Variants in CPED1 observed in about 807,000 individuals in gnomAD.
CPED1 encodes cadherin like and PC-esterase domain containing 1.
Under a neutral mutation model 128.2 loss-of-function variants are expected in CPED1, and 114 were observed. The observed-to-expected ratio is 0.89, with a 90% confidence interval of 0.76 to 1.04. The LOEUF (loss-of-function observed/expected upper bound fraction) is 1.04, where lower values mean the gene tolerates loss of function less well. Ranked by LOEUF, CPED1 falls within the 50% of genes least tolerant of loss-of-function variation. The probability of loss-of-function intolerance (pLI) is 0.00; values close to 1 mark genes in which losing one functional copy is unlikely to be tolerated. For synonymous variants in CPED1, 462 were observed against 426.7 expected (o/e 1.08, Z -1.02); for missense variants, 1,211 against 1,207.1 (o/e 1.00, Z -0.05).
rs75447491 is a variant in CPED1 at position 121,192,958 on chromosome 7, G to A, written c.2056-43756G>A. On this transcript the variant is annotated intron_variant, in intron 16 of 22. Transcript: ENST00000310396. ...ATGTATTTTCTGGGAACTTGATCAA[G>A]TAAAATCATTCTGGGACACCACAGT... is the stretch of plus-strand genomic sequence containing the variant. Among the ~76,000 whole-genome samples, 591 of 152,278 alleles carry A rather than the reference G, an allele frequency of 3.9e-3. 18 individuals carry two copies. The highest frequency in any genetic ancestry group is 0.031 in the East Asian group (163 of 5,178).
Position 121,209,726 on chromosome 7 carries a change from A to G in CPED1, c.2056-26988A>G, listed in dbSNP as rs1175305378. On this transcript the variant is annotated intron_variant, in intron 16 of 22. Transcript: ENST00000310396. ...TTCTTGAGTAATTCCCCAAAAGCAC[A>G]GACAACTAAAGCAAAAATGGACAAA... 2.6e-5 allele frequency among the ~76,000 whole-genome samples: 4 copies of G among 152,052 alleles called. No homozygotes were observed. In the South Asian group the frequency reaches 8.3e-4, roughly 31 times the overall value.
At chr7:121,157,519 G>T (rs921550112) in intron 16 of CPED1, among the ~76,000 whole-genome samples, 4 of 152,166 alleles carry the variant, frequency 2.6e-5, no homozygotes, top group African/African-American at 9.7e-5. Context: ...CCAGTTCATA[G>T]TTAGGCCATT....
chr7:121,051,160 A>C, intron 4 of CPED1: 1 of 527,846 alleles, frequency 1.9e-6, no homozygotes, highest in South Asian at 1.5e-5. Flanking sequence ...AACTGAGGAG[A>C]GTCCAGCCTC....
At chr7:121,160,475 G>C (rs1439515011) in intron 16 of CPED1, among the ~76,000 whole-genome samples, 1 of 152,198 alleles carries the variant, frequency 6.6e-6, no homozygotes, top group Admixed American at 6.5e-5. Context: ...GAGGGGGAAG[G>C]GAGAGGGGTC....
At chr7:121,284,391 T>C (rs2952557) in intron 22 of CPED1, among the ~76,000 whole-genome samples, 144,944 of 152,230 alleles carry the variant, frequency 0.95, 69,111 homozygotes, top group East Asian at 1. Flanking sequence ...CTCATGTCCT[T>C]CCATTTCAAA....
At chr7:121,106,676 C>G (rs894288277) in intron 7 of CPED1, among the ~76,000 whole-genome samples, 2 of 152,018 alleles carry the variant, frequency 1.3e-5, no homozygotes, top group Admixed American at 6.6e-5. Flanking sequence ...CCTGCTTCTC[C>G]CTGGAGCCAT....
At chr7:121,061,855 C>A (rs144784914) in intron 4 of CPED1, among the ~76,000 whole-genome samples, 1 of 152,178 alleles carries the variant, frequency 6.6e-6, no homozygotes, top group East Asian at 1.9e-4. Context: ...TGAGTTACTA[C>A]AGCTGTATGA....
intron 16 of CPED1, among the ~76,000 whole-genome samples, chr7:121,170,273 G>A (rs1418125320): frequency 6.6e-6 from 1 of 152,088 alleles, no homozygotes; most frequent in Non-Finnish European, 1.5e-5. Flanking sequence ...TGGAATTTGT[G>A]ACCTTTTTCC....
intron 14 of CPED1, among the ~76,000 whole-genome samples, chr7:121,137,562 ATTG>A (rs1019872275): frequency 2.1e-4 from 32 of 152,014 alleles, no homozygotes; most frequent in Non-Finnish European, 3.1e-4. Context: ...TTTTATCACT[ATTG>A]TTAAGGTCAT....
intron 18 of CPED1, among the ~76,000 whole-genome samples, chr7:121,253,042 G>A (rs1187525735): frequency 2.0e-5 from 3 of 152,010 alleles, no homozygotes; most frequent in Non-Finnish European, 4.4e-5. Context: ...ATTCACAATA[G>A]CAAAGACTTG....
chr7:121,108,249 A>G (rs1477645752), intron 7 of CPED1, among the ~76,000 whole-genome samples: 2 of 152,110 alleles, frequency 1.3e-5, no homozygotes, highest in Non-Finnish European at 2.9e-5. Flanking sequence ...TTATTTTATA[A>G]CCCATACTTA....
At chr7:121,025,685 GTTCT>G (rs1407355221) in intron 3 of CPED1, among the ~76,000 whole-genome samples, 1 of 151,996 alleles carries the variant, frequency 6.6e-6, no homozygotes, top group East Asian at 1.9e-4. Context: ...CCTTCTTTGT[GTTCT>G]TTCTCCAAAT....
chr7:121,040,308 G>A (rs1003525976), intron 3 of CPED1, among the ~76,000 whole-genome samples: 1 of 152,078 alleles, frequency 6.6e-6, no homozygotes, highest in African/African-American at 2.4e-5. Context: ...CATCTACTAA[G>A]TGTCTACTAT....
intron 11 of CPED1, 22 bp from the exon 12 acceptor site, chr7:121,130,103 T>C (rs758361638): frequency 1.9e-6 from 3 of 1,588,514 alleles, no homozygotes; most frequent in Admixed American, 1.7e-5. Context: ...CCATAACTTA[T>C]ACTGATATTT....
chr7:121,127,105 A>C lies in CPED1; in HGVS notation c.1150A>C (p.Asn384His), dbSNP rs747840111. 1 of 1,590,910 alleles carries C rather than the reference A, an allele frequency of 6.3e-7. No individual in the cohort carries two copies. The highest frequency in any genetic ancestry group is 8.5e-7 in the Non-Finnish European group (1 of 1,171,144). The change falls in exon 10 of 23, where the codon AAT (asparagine) becomes CAT (histidine). Residue 384 changes from asparagine to histidine, a missense_variant. By Grantham distance (68) the Asn-to-His change is moderately conservative. Transcript: ENST00000310396. ...TCTTTCAAAGGTACACGAGCATTTA[A>C]ATTTTCAAGATTATGATAATATGGA... is the stretch of plus-strand genomic sequence containing the variant. ...PVVLQVHEHL[N>H]FQDYDNMDFE... is the part of the protein sequence containing the mutation.
At chr7:121,019,096 CTT>C (rs1440641546) in intron 3 of CPED1, among the ~76,000 whole-genome samples, 6 of 151,906 alleles carry the variant, frequency 3.9e-5, no homozygotes, top group Non-Finnish European at 7.4e-5. Context: ...TTTCCTATGA[CTT>C]ATATACTAGA....
chr7:121,154,563 T>A (rs1796239103), intron 16 of CPED1, among the ~76,000 whole-genome samples: 1 of 151,970 alleles, frequency 6.6e-6, no homozygotes, highest in African/African-American at 2.4e-5. Context: ...ATTTATTTTT[T>A]TGAGACAGAG....
intron 16 of CPED1, among the ~76,000 whole-genome samples, chr7:121,199,872 A>G (rs995103779): frequency 1.3e-5 from 2 of 152,114 alleles, no homozygotes; most frequent in Non-Finnish European, 2.9e-5. Context: ...AAAATATGTT[A>G]TTGGACCAAA....
chr7:121,200,386 T>C (rs1009582237), intron 16 of CPED1, among the ~76,000 whole-genome samples: 7 of 152,130 alleles, frequency 4.6e-5, no homozygotes, highest in African/African-American at 1.7e-4. Flanking sequence ...TTTCCTATTC[T>C]TAATTGGTCG....
Sources: gnomAD v4.1 joint callset for allele counts (sites outside exome capture counted in the v4.1 genomes callset) on GRCh38, gnomAD v4.1.1 for gene constraint, MANE v1.5 for transcripts, NCBI Gene and HGNC (gene_info 2026-07-23, HGNC 2026-07-21) for gene names.